The following MTMR9 variants were observed in gnomAD, a reference collection of about 807,000 sequenced individuals.
MTMR9 encodes myotubularin-related protein 9.
In MTMR9, 39 loss-of-function variants were observed where a neutral mutation model predicts 69.5. The observed-to-expected ratio is 0.56, with a 90% confidence interval of 0.43 to 0.73. The LOEUF is 0.73. MTMR9 is among the 30% of genes least tolerant of loss of function. The pLI is 0.00. For synonymous variants in MTMR9, 354 were observed against 240.8 expected (o/e 1.47, Z -4.35); for missense variants, 900 against 671.2 (o/e 1.34, Z -3.77).
At chr8:11,311,373 T>C (rs1800191179) in intron 6 of MTMR9, among the ~76,000 whole-genome samples, 2 of 152,216 alleles carry the variant, frequency 1.3e-5, no homozygotes, top group African/African-American at 4.8e-5. Flanking sequence ...CATCACTTAA[T>C]AGGATATTAC....
intron 8 of MTMR9, chr8:11,318,071 A>G (rs1276967072): frequency 6.6e-6 from 1 of 152,220 alleles, no homozygotes. Flanking sequence ...CAGTAAAGCA[A>G]TGTATATAAG....
At chr8:11,338,447 T>A in the MTMR9 span, among the ~76,000 whole-genome samples, 1 of 152,262 alleles carries the variant, frequency 6.6e-6, no homozygotes, top group South Asian at 2.1e-4. Context: ...CCGGGCTCCA[T>A]AGTGTCAATG....
the MTMR9 span, among the ~76,000 whole-genome samples, chr8:11,335,852 T>C: frequency 6.6e-6 from 1 of 152,194 alleles, no homozygotes; most frequent in African/African-American, 2.4e-5. Flanking sequence ...TATCGCACCC[T>C]AATGACCTCA....
the MTMR9 span, among the ~76,000 whole-genome samples, chr8:11,338,394 T>C: frequency 1.3e-5 from 2 of 152,184 alleles, no homozygotes; most frequent in Non-Finnish European, 2.9e-5. Flanking sequence ...GGTGGTGACC[T>C]TTGTAGGCTG....
chr8:11,309,508 A>G lies in MTMR9; in HGVS notation c.810-19A>G, dbSNP rs774004379. 1.3e-6 allele frequency: 2 copies of G among 1,568,510 alleles called. No individual in the cohort carries two copies. Among genetic ancestry groups the G allele is most frequent in the South Asian group, 2.4e-5 (2 of 84,374 alleles). The stretch of plus-strand genomic sequence containing the variant: ...CTATTTTCTGGGTTTGTTATTTTTT[A>G]CTTTCTTACTTTTAAAAGGTATCAC... On this transcript the variant is annotated intron_variant, in intron 5 of 9. Coordinates refer to ENST00000221086, the MANE Select transcript of MTMR9 (RefSeq NM_015458.4).
At chr8:11,306,456 G>T in intron 5 of MTMR9, 49 bp downstream of exon 5, 2 of 1,534,752 alleles carry the variant, frequency 1.3e-6, no homozygotes. Context: ...GCTAATTATA[G>T]TGGGTAAGGC....
intron 2 of MTMR9, among the ~76,000 whole-genome samples, chr8:11,299,662 G>T (rs1231047036): frequency 6.6e-6 from 1 of 152,182 alleles, no homozygotes; most frequent in African/African-American, 2.4e-5. Context: ...AGACCTTACT[G>T]ACTAGCCAAA....
At chr8:11,305,746 A>G (rs1396735834) in intron 4 of MTMR9, among the ~76,000 whole-genome samples, 1 of 152,224 alleles carries the variant, frequency 6.6e-6, no homozygotes, top group Non-Finnish European at 1.5e-5. Flanking sequence ...CCAAACAATG[A>G]GAACAGTGTT....
chr8:11,337,274 A>C, the MTMR9 span, among the ~76,000 whole-genome samples: 6 of 152,210 alleles, frequency 3.9e-5, no homozygotes, highest in Non-Finnish European at 8.8e-5. Context: ...AAGTATACTC[A>C]AATGTGACAT....
intron 3 of MTMR9, among the ~76,000 whole-genome samples, chr8:11,301,402 G>T (rs1378974960): frequency 3.3e-5 from 5 of 152,178 alleles, no homozygotes; most frequent in Non-Finnish European, 7.4e-5. Context: ...ATTCAATTGG[G>T]AAAGGATAGC....
At chr8:11,315,314 C>T (rs1585130226) in intron 7 of MTMR9, among the ~76,000 whole-genome samples, 1 of 152,124 alleles carries the variant, frequency 6.6e-6, no homozygotes, top group African/African-American at 2.4e-5. Context: ...AGGAGAAATA[C>T]AAAGAATGGG....
At chr8:11,285,115 C>A in intron 1 of MTMR9, 45 bp downstream of exon 1, 1 of 1,485,996 alleles carries the variant, frequency 6.7e-7, no homozygotes, top group East Asian at 2.6e-5. Context: ...CCGGGGGTCC[C>A]TTGTGGGCGC....
At chr8:11,331,925 G>A (rs147410277), downstream of MTMR9, 148 of 1,611,982 alleles carry the variant, frequency 9.2e-5, no homozygotes, top group East Asian at 2.1e-3. Flanking sequence ...TGGGCTATGC[G>A]GTCACCAAGG....
rs550827112 is a variant in MTMR9, at chr8:11,288,122, A to G, written c.182+3052A>G. ...ATTCACCTAATTATATTAAATAATT[A>G]TTCACCTAAATATTCACCTAATTAT... On this transcript the variant is annotated intron_variant, in intron 1 of 9. Transcript: ENST00000221086. Among the ~76,000 whole-genome samples, 165 of 133,332 alleles carry G rather than the reference A, an allele frequency of 1.2e-3. 1 individual carries two copies. Among genetic ancestry groups the G allele is most frequent in the African/African-American group, 4.1e-3 (148 of 36,164 alleles). 87.5% of individuals were successfully genotyped at this position (133,332 alleles called of 152,430 possible).
intron 1 of MTMR9, among the ~76,000 whole-genome samples, chr8:11,292,231 C>A (rs573033638): frequency 1.4e-4 from 22 of 152,206 alleles, no homozygotes; most frequent in African/African-American, 5.3e-4. Flanking sequence ...ATTTATTCAC[C>A]TGGTGATGGA....
At chr8:11,291,634 C>T (rs1034948224) in intron 1 of MTMR9, among the ~76,000 whole-genome samples, 24 of 152,010 alleles carry the variant, frequency 1.6e-4, no homozygotes. Context: ...TTTATTCTGA[C>T]ATAAAGTAAC....
At chr8:11,304,267 T>C (rs1342129919) in intron 3 of MTMR9, among the ~76,000 whole-genome samples, 1 of 152,200 alleles carries the variant, frequency 6.6e-6, no homozygotes, top group Non-Finnish European at 1.5e-5. Flanking sequence ...ATTTTTTACC[T>C]TTTTTAAAAT....
At chr8:11,321,562 C>T (rs988719283) in intron 9 of MTMR9, 8 of 452,698 alleles carry the variant, frequency 1.8e-5, no homozygotes, top group African/African-American at 6.0e-5. Context: ...CCTGCCATGC[C>T]GGAGTTTCAG....
the MTMR9 span, among the ~76,000 whole-genome samples, chr8:11,334,677 A>AAATGT: frequency 2.6e-5 from 4 of 152,148 alleles, no homozygotes. Context: ...TGATTACATT[A>AAATGT]AATGTAATCA....
Sources: allele counts gnomAD v4.1 joint callset (sites outside exome capture counted in the v4.1 genomes callset), GRCh38; gene constraint gnomAD v4.1.1; transcripts MANE v1.5; gene names NCBI Gene and HGNC (gene_info 2026-07-23, HGNC 2026-07-21).